Variants in NRXN3 observed in about 807,000 individuals in gnomAD.
NRXN3 encodes the protein neurexin III.
In NRXN3, 32 loss-of-function variants were observed where a neutral mutation model predicts 137.6. The ratio of observed to expected loss-of-function variants is 0.23; its 90% CI spans 0.18 to 0.31. The LOEUF (loss-of-function observed/expected upper bound fraction) is 0.31, where lower values mean the gene tolerates loss of function less well. Ranked by LOEUF, NRXN3 falls within the 10% of genes least tolerant of loss-of-function variation. The pLI is 1.00. For missense variants in NRXN3, 1,574 were observed against 2,062.5 expected (o/e 0.76, Z 4.59); for synonymous variants, 798 against 784.5 (o/e 1.02, Z -0.29).
intron 15 of NRXN3, among the ~76,000 whole-genome samples, chr14:79,348,443 T>C (rs1455663561): frequency 1.3e-5 from 2 of 151,342 alleles, no homozygotes; most frequent in African/African-American, 2.4e-5. Context: ...TGGCGCGATC[T>C]CTGCCCACTG....
chr14:79,019,283 A>C (rs2152434004), intron 15 of NRXN3, among the ~76,000 whole-genome samples: 1 of 152,308 alleles, frequency 6.6e-6, no homozygotes, highest in South Asian at 2.1e-4. Context: ...GTGCTTATTG[A>C]GGGCTCCATT....
intron 8 of NRXN3, among the ~76,000 whole-genome samples, chr14:78,743,140 A>G (rs964713020): frequency 6.6e-6 from 1 of 152,216 alleles, no homozygotes; most frequent in African/African-American, 2.4e-5. Context: ...TAGCTTCCTC[A>G]TTAACCAGCT....
chr14:78,404,175 T>A (rs1344866957), intron 4 of NRXN3, among the ~76,000 whole-genome samples: 1 of 150,786 alleles, frequency 6.6e-6, no homozygotes, highest in African/African-American at 2.4e-5. Context: ...GTCTTTGGCA[T>A]GAGTTATAGC....
intron 16 of NRXN3, among the ~76,000 whole-genome samples, chr14:79,626,995 G>C (rs1305841180): frequency 4.6e-5 from 7 of 152,110 alleles, no homozygotes; most frequent in African/African-American, 1.7e-4. Flanking sequence ...GTGAGAAATA[G>C]TAAGAATGAT....
chr14:78,211,643 G>C (rs945430498), intron 1 of NRXN3, among the ~76,000 whole-genome samples: 2 of 152,234 alleles, frequency 1.3e-5, no homozygotes, highest in Non-Finnish European at 2.9e-5. Flanking sequence ...ACTTTGAAGA[G>C]ATAGCAAGTT....
At chr14:79,198,133 A>T (rs2153199559) in intron 15 of NRXN3, among the ~76,000 whole-genome samples, 1 of 152,332 alleles carries the variant, frequency 6.6e-6, no homozygotes, top group East Asian at 1.9e-4. Context: ...GTCTGTTAAA[A>T]TATGGATAAT....
chr14:79,005,744 T>C (rs973067497), intron 15 of NRXN3, among the ~76,000 whole-genome samples: 22 of 152,146 alleles, frequency 1.4e-4, no homozygotes, highest in African/African-American at 4.3e-4. Context: ...ATTTGTGTGG[T>C]GTTTACATGT....
At chr14:79,611,912 A>G (rs1453481513) in intron 16 of NRXN3, 1 of 152,240 alleles carries the variant, frequency 6.6e-6, no homozygotes, top group African/African-American at 2.4e-5. Flanking sequence ...ATACTAAGTC[A>G]TGAATAAATA....
rs76011689 is a variant in NRXN3, at chr14:78,270,941, T to C, written c.710-7704T>C. On this transcript the variant is annotated intron_variant, in intron 2 of 20. Coordinates refer to ENST00000335750, the MANE Select transcript of NRXN3 (RefSeq NM_001330195.2). ...AACTGCAGCCAGCAGAAGCAAGCTG[T>C]GTAGGAACACTCAAAGTGCACACAT... Among the ~76,000 whole-genome samples the C allele has an allele frequency of 6.0e-4, 92 of 152,332 alleles. No homozygotes were observed. In the East Asian group the frequency reaches 0.017, roughly 28 times the overall value.
intron 15 of NRXN3, among the ~76,000 whole-genome samples, chr14:79,029,015 G>A (rs2099603059): frequency 6.6e-6 from 1 of 151,678 alleles, no homozygotes; most frequent in East Asian, 1.9e-4. Context: ...GGAAAAAATA[G>A]TGATAAATAT....
At chr14:78,778,694 C>CT (rs956780791) in intron 8 of NRXN3, among the ~76,000 whole-genome samples, 1 of 142,326 alleles carries the variant, frequency 7.0e-6, no homozygotes, top group Non-Finnish European at 1.5e-5. Flanking sequence ...TTCTTTCTTT[C>CT]TTTCTTTCTT....
chr14:78,734,408 A>C (rs954410904), intron 8 of NRXN3, among the ~76,000 whole-genome samples: 8 of 152,218 alleles, frequency 5.3e-5, no homozygotes, highest in African/African-American at 1.9e-4. Flanking sequence ...GCTATTCTTC[A>C]CAATGTCATT....
chr14:79,218,192 G>A (rs2068878510), intron 15 of NRXN3, among the ~76,000 whole-genome samples: 1 of 152,130 alleles, frequency 6.6e-6, no homozygotes, highest in Non-Finnish European at 1.5e-5. Context: ...GCACCCGAAA[G>A]CGTTTGAAAC....
intron 15 of NRXN3, among the ~76,000 whole-genome samples, chr14:79,082,865 T>G (rs2047334785): frequency 6.6e-6 from 1 of 152,250 alleles, no homozygotes; most frequent in African/African-American, 2.4e-5. Flanking sequence ...AATTTCTTAA[T>G]ATTCAAATAA....
At chr14:79,147,883 T>C (rs556686310) in intron 15 of NRXN3, among the ~76,000 whole-genome samples, 1 of 152,248 alleles carries the variant, frequency 6.6e-6, no homozygotes, top group Non-Finnish European at 1.5e-5. Flanking sequence ...CAGTTTTTTC[T>C]CCTAACTAGA....
chr14:79,215,092 G>A (rs1371552836), intron 15 of NRXN3, among the ~76,000 whole-genome samples: 1 of 152,144 alleles, frequency 6.6e-6, no homozygotes, highest in African/African-American at 2.4e-5. Context: ...TGCTGAGACT[G>A]GCACTGGTGC....
In NRXN3 at chr14:79,487,932, C is replaced by T. The variant is rs571548988; in HGVS notation, c.3444+20530C>T. 8.5e-5 allele frequency among the ~76,000 whole-genome samples: 13 copies of T among 152,290 alleles called. No homozygotes were observed. The South Asian group carries it at 2.5e-3, about 29-fold the overall frequency. On this transcript the variant is annotated intron_variant, in intron 16 of 20. Transcript: ENST00000335750. ...TTGTATCACAGAGCTCATCATGCAA[C>T]AGGACTGCATCTGGGATACTGCCTC... is the stretch of plus-strand genomic sequence containing the variant.
chr14:78,978,364 T>G (rs189645874), intron 14 of NRXN3, among the ~76,000 whole-genome samples: 149 of 152,318 alleles, frequency 9.8e-4, no homozygotes, highest in Non-Finnish European at 7.6e-4. Flanking sequence ...CCTTATGTTC[T>G]ATAAAATGTG....
chr14:79,308,353 C>T (rs1450017259), intron 15 of NRXN3, among the ~76,000 whole-genome samples: 1 of 152,090 alleles, frequency 6.6e-6, no homozygotes, highest in Non-Finnish European at 1.5e-5. Flanking sequence ...GTGCAGCCAA[C>T]TTTAAGAGTT....
Sources: gnomAD v4.1 joint callset for allele counts (sites outside exome capture counted in the v4.1 genomes callset) on GRCh38, gnomAD v4.1.1 for gene constraint, MANE v1.5 for transcripts, NCBI Gene and HGNC (gene_info 2026-07-23, HGNC 2026-07-21) for gene names.